Variants in PCP4 observed in about 807,000 individuals in gnomAD.
PCP4 encodes the protein calmodulin regulator protein PCP4.
PCP4 carries 8 observed loss-of-function variants against 10.0 expected under a neutral mutation model. The ratio of observed to expected loss-of-function variants is 0.80; its 90% confidence interval spans 0.47 to 1.45. The LOEUF is 1.45. PCP4 is among the 40% of genes most tolerant of loss of function. The pLI, the probability that PCP4 is intolerant of heterozygous loss-of-function variation, is 0.00. For synonymous variants in PCP4, 21 were observed against 23.0 expected, an observed-to-expected ratio of 0.91 and a Z score of 0.24; for missense variants, 54 against 74.4, an observed-to-expected ratio of 0.73 and a Z score of 1.01.
intron 1 of PCP4, among the ~76,000 whole-genome samples, chr21:39,881,870 T>C (rs2087377444): frequency 6.6e-6 from 1 of 152,168 alleles, no homozygotes; most frequent in Non-Finnish European, 1.5e-5. Flanking sequence ...AAATGGCAAG[T>C]AGAACACCAA....
chr21:39,875,476 A>G (rs904836650), intron 1 of PCP4, among the ~76,000 whole-genome samples: 2 of 152,188 alleles, frequency 1.3e-5, no homozygotes, highest in Non-Finnish European at 2.9e-5. Flanking sequence ...TGCATCTTCC[A>G]GAGAGTTTTA....
intron 1 of PCP4, among the ~76,000 whole-genome samples, chr21:39,886,879 A>C (rs2087402913): frequency 6.6e-6 from 1 of 152,244 alleles, no homozygotes; most frequent in Non-Finnish European, 1.5e-5. Flanking sequence ...AAGTATTAAC[A>C]TGGATTAACT....
chr21:39,928,051 T>C (rs2087633311), intron 2 of PCP4, among the ~76,000 whole-genome samples: 1 of 152,192 alleles, frequency 6.6e-6, no homozygotes, highest in Non-Finnish European at 1.5e-5. Flanking sequence ...TTTAGTTTTT[T>C]ATTTCTGTAG....
chr21:39,884,800 A>AAGAGAGAG lies in PCP4; in HGVS notation c.10-13660_10-13653dup, dbSNP rs3988433. On this transcript the variant is annotated intron_variant, in intron 1 of 2. Transcript: ENST00000328619. ...GTGACAGAGGAGACTCCGTCTTAAA[A>AAGAGAGAG]AGAGAGAGAGAGAGAGAGAGAGACA... 3.0e-3 allele frequency among the ~76,000 whole-genome samples: 454 copies of AAGAGAGAG among 149,112 alleles called. 2 individuals carry two copies. Among genetic ancestry groups the AAGAGAGAG allele is most frequent in the African/African-American group, 4.8e-3 (195 of 40,772 alleles).
chr21:39,890,620 C>T (rs62235438), intron 1 of PCP4, among the ~76,000 whole-genome samples: 8,841 of 152,072 alleles, frequency 0.058, 336 homozygotes, highest in East Asian at 0.086. Context: ...CCACCCACCT[C>T]GGCCTCCCAA....
intron 2 of PCP4, among the ~76,000 whole-genome samples, chr21:39,907,056 G>T (rs917937526): frequency 6.6e-6 from 1 of 152,140 alleles, no homozygotes; most frequent in Non-Finnish European, 1.5e-5. Context: ...TGGGCCAAAT[G>T]ATAAGATGGT....
chr21:39,881,613 T>C (rs1375739695), intron 1 of PCP4, among the ~76,000 whole-genome samples: 1 of 152,132 alleles, frequency 6.6e-6, no homozygotes, highest in African/African-American at 2.4e-5. Flanking sequence ...TCCCTGACAA[T>C]GTGAAATGCA....
intron 2 of PCP4, among the ~76,000 whole-genome samples, chr21:39,913,144 T>TGTA (rs1446179879): frequency 1.4e-4 from 22 of 152,174 alleles, no homozygotes; most frequent in Non-Finnish European, 2.8e-4. Flanking sequence ...CTCATCTTCC[T>TGTA]GATAAGTAGA....
intron 2 of PCP4, among the ~76,000 whole-genome samples, chr21:39,909,873 G>A (rs2299777): frequency 0.17 from 24,895 of 149,824 alleles, 2,230 homozygotes; most frequent in East Asian, 0.35. Context: ...TTGGCTCACC[G>A]CAACCTCTGC....
At chr21:39,896,328 G>A (rs1195699785) in intron 1 of PCP4, among the ~76,000 whole-genome samples, 1 of 152,178 alleles carries the variant, frequency 6.6e-6, no homozygotes, top group Non-Finnish European at 1.5e-5. Flanking sequence ...TATGAATTAT[G>A]CAGGGAAAGA....
chr21:39,871,180 A>C (rs1002640894), intron 1 of PCP4, among the ~76,000 whole-genome samples: 2 of 152,228 alleles, frequency 1.3e-5, no homozygotes, highest in South Asian at 4.1e-4. Context: ...AACATGAATT[A>C]AAAAAATGTT....
chr21:39,875,372 G>C (rs1272980531), intron 1 of PCP4, among the ~76,000 whole-genome samples: 1 of 152,124 alleles, frequency 6.6e-6, no homozygotes, highest in Non-Finnish European at 1.5e-5. Context: ...TCTCTGAGGG[G>C]TGACAGCATA....
chr21:39,900,881 A>G (rs970312876), intron 2 of PCP4, among the ~76,000 whole-genome samples: 1 of 147,018 alleles, frequency 6.8e-6, no homozygotes, highest in Non-Finnish European at 1.5e-5. Context: ...ACTGTCTCCT[A>G]TATTAGAAAT....
chr21:39,872,713 TC>T (rs773884338), intron 1 of PCP4, among the ~76,000 whole-genome samples: 1 of 152,202 alleles, frequency 6.6e-6, no homozygotes, highest in Non-Finnish European at 1.5e-5. Flanking sequence ...TTGGTAAATG[TC>T]CAGTTACTGA....
intron 2 of PCP4, among the ~76,000 whole-genome samples, chr21:39,901,151 GA>G: frequency 6.6e-6 from 1 of 151,430 alleles, no homozygotes; most frequent in Non-Finnish European, 1.5e-5. Flanking sequence ...GTAGCCTATG[GA>G]AAATTCCACT....
chr21:39,917,029 T>G (rs1371126356), intron 2 of PCP4, among the ~76,000 whole-genome samples: 1 of 152,168 alleles, frequency 6.6e-6, no homozygotes, highest in Non-Finnish European at 1.5e-5. Context: ...CAGATCACCA[T>G]GGCACACGTT....
intron 1 of PCP4, among the ~76,000 whole-genome samples, chr21:39,888,124 A>G (rs1335577067): frequency 6.6e-6 from 1 of 152,230 alleles, no homozygotes; most frequent in African/African-American, 2.4e-5. Context: ...CAAAAAGAAG[A>G]CAGCACTGTG....
chr21:39,888,240 TTTCC>T (rs1275079067), intron 1 of PCP4, among the ~76,000 whole-genome samples: 4 of 152,242 alleles, frequency 2.6e-5, no homozygotes, highest in Non-Finnish European at 5.9e-5. Flanking sequence ...ATGGATTTAT[TTTCC>T]TTCCTTTGCA....
intron 1 of PCP4, among the ~76,000 whole-genome samples, chr21:39,895,127 C>A (rs924279979): frequency 6.6e-6 from 1 of 151,884 alleles, no homozygotes; most frequent in African/African-American, 2.4e-5. Context: ...ATCCTTAGGT[C>A]CACCCATCCA....
Sources: gnomAD v4.1 joint callset for allele counts (sites outside exome capture counted in the v4.1 genomes callset) on GRCh38, gnomAD v4.1.1 for gene constraint, MANE v1.5 for transcripts, NCBI Gene and HGNC (gene_info 2026-07-23, HGNC 2026-07-21) for gene names.